NTM: variants seen among roughly 807,000 people sequenced by gnomAD.
NTM encodes the protein neurotrimin.
In NTM, 13 loss-of-function variants were observed where a neutral mutation model predicts 42.1. The observed-to-expected ratio is 0.31, with a 90% confidence interval of 0.20 to 0.49. The LOEUF (loss-of-function observed/expected upper bound fraction) is 0.49. NTM is among the 20% of genes least tolerant of loss of function. The probability of loss-of-function intolerance (pLI) is 0.99; values close to 1 mark genes in which losing one functional copy is unlikely to be tolerated. For missense variants in NTM, 373 were observed against 452.8 expected (o/e 0.82, Z 1.60); for synonymous variants, 187 against 179.2 (o/e 1.04, Z -0.35).
chr11:131,679,325 G>GA (rs1010685302), intron 1 of NTM, among the ~76,000 whole-genome samples: 1 of 152,162 alleles, frequency 6.6e-6, no homozygotes, highest in Non-Finnish European at 1.5e-5. Context: ...AAGAAGTAGG[G>GA]AGGGGGTGCC....
In NTM at chr11:131,813,469, C is replaced by T. The variant is rs137871733; in HGVS notation, c.83-98095C>T. ...TCATAGATGGAGCTCCTGTAAAGGACGGATGAAGGCTGTAGGGAGTACAGG... is the reference window on the plus strand; with the variant it reads ...TCATAGATGGAGCTCCTGTAAAGGATGGATGAAGGCTGTAGGGAGTACAGG... On this transcript the variant is annotated intron_variant, in intron 1 of 8. Transcript: ENST00000683400. Among the ~76,000 whole-genome samples the T allele has an allele frequency of 1.1e-3, 167 of 152,118 alleles. 1 individual carries two copies. The highest frequency in any genetic ancestry group is 1.8e-3 in the Admixed American group (27 of 15,272).
At chr11:132,293,548 G>A (rs73043966) in intron 4 of NTM, among the ~76,000 whole-genome samples, 12,596 of 152,222 alleles carry the variant, frequency 0.083, 541 homozygotes, top group Middle Eastern at 0.16. Context: ...ATATGAAACA[G>A]CGGGTGTGAG....
At chr11:132,281,815 C>T (rs1223274946) in intron 4 of NTM, among the ~76,000 whole-genome samples, 1 of 152,098 alleles carries the variant, frequency 6.6e-6, no homozygotes. Flanking sequence ...GTTATGAGTA[C>T]TATCAAAAAT....
chr11:131,582,332 C>T (rs1049768532), intron 1 of NTM: 3 of 152,248 alleles, frequency 2.0e-5, no homozygotes, highest in Non-Finnish European at 4.4e-5. Flanking sequence ...AAAAGTCCAG[C>T]TCTTCCTGCT....
chr11:131,701,168 G>A (rs2076035218), intron 1 of NTM, among the ~76,000 whole-genome samples: 1 of 152,106 alleles, frequency 6.6e-6, no homozygotes, highest in African/African-American at 2.4e-5. Flanking sequence ...AAAACAATTG[G>A]TGACATACAG....
chr11:132,000,387 CCTT>C (rs1198843567), intron 2 of NTM, among the ~76,000 whole-genome samples: 2 of 152,202 alleles, frequency 1.3e-5, no homozygotes, highest in Non-Finnish European at 2.9e-5. Context: ...TTTTGCTACT[CCTT>C]CTTTCATTAT....
Position 131,932,412 on chromosome 11 carries a change from G to A in NTM, c.167+20764G>A, listed in dbSNP as rs563880319. Among the ~76,000 whole-genome samples, 7 of 152,282 alleles carry A rather than the reference G, an allele frequency of 4.6e-5. No individual in the cohort carries two copies. In the South Asian group the frequency reaches 1.5e-3, roughly 32 times the overall value. On this transcript the variant is annotated intron_variant, in intron 2 of 8. Transcript: ENST00000683400. Reference sequence around the variant, plus strand: ...CATAAGAAGAAACATCAGGAAAAAGGTAAAGACCACAGTTTATTGCAATAT... The same window carrying A: ...CATAAGAAGAAACATCAGGAAAAAGATAAAGACCACAGTTTATTGCAATAT...
At chr11:131,702,709 T>C (rs2076199901) in intron 1 of NTM, among the ~76,000 whole-genome samples, 1 of 152,240 alleles carries the variant, frequency 6.6e-6, no homozygotes, top group Admixed American at 6.5e-5. Flanking sequence ...AAAATAGTGA[T>C]AATTTTGTTT....
chr11:132,254,320 TCTC>T (rs1205099300), intron 4 of NTM, among the ~76,000 whole-genome samples: 1 of 151,702 alleles, frequency 6.6e-6, no homozygotes, highest in African/African-American at 2.4e-5. Context: ...CCTGGTTGCT[TCTC>T]CTATTATTTC....
intron 4 of NTM, among the ~76,000 whole-genome samples, chr11:132,293,566 G>C (rs1204460834): frequency 1.3e-5 from 2 of 152,144 alleles, no homozygotes; most frequent in Non-Finnish European, 2.9e-5. Flanking sequence ...GAGACTACAG[G>C]AAATCATAGA....
intron 1 of NTM, among the ~76,000 whole-genome samples, chr11:131,399,035 T>G (rs116967555): frequency 0.021 from 3,270 of 152,294 alleles, 61 homozygotes; most frequent in Non-Finnish European, 0.029. Flanking sequence ...CATATGTACT[T>G]GGAAGTGGTG....
At chr11:131,936,487 C>A (rs1238367556) in intron 2 of NTM, among the ~76,000 whole-genome samples, 1 of 152,066 alleles carries the variant, frequency 6.6e-6, no homozygotes, top group Non-Finnish European at 1.5e-5. Context: ...ATTGGAGACT[C>A]AGAAGGAGGG....
intron 1 of NTM, among the ~76,000 whole-genome samples, chr11:131,413,111 C>T (rs573294389): frequency 1.3e-5 from 2 of 152,068 alleles, no homozygotes; most frequent in Non-Finnish European, 2.9e-5. Context: ...TTCCCTTGTG[C>T]CCATAGAATA....
intron 1 of NTM, among the ~76,000 whole-genome samples, chr11:131,593,547 C>T (rs547375416): frequency 2.0e-5 from 3 of 152,304 alleles, no homozygotes; most frequent in East Asian, 1.9e-4. Context: ...ATGCACTGTT[C>T]TAAGTGGATG....
At chr11:131,715,542 G>A (rs147615316) in intron 1 of NTM, among the ~76,000 whole-genome samples, 24 of 152,176 alleles carry the variant, frequency 1.6e-4, no homozygotes, top group Non-Finnish European at 2.5e-4. Context: ...TTGACATTTC[G>A]TGCACATTTG....
At chr11:131,770,039 A>C (rs1362841909) in intron 1 of NTM, among the ~76,000 whole-genome samples, 2 of 152,184 alleles carry the variant, frequency 1.3e-5, no homozygotes, top group Non-Finnish European at 2.9e-5. Context: ...AGCCAGTGAG[A>C]GGGAGAAGAG....
intron 1 of NTM, among the ~76,000 whole-genome samples, chr11:131,842,751 C>T (rs1374037764): frequency 6.6e-6 from 1 of 152,128 alleles, no homozygotes; most frequent in Non-Finnish European, 1.5e-5. Flanking sequence ...TGGCTCATGC[C>T]TATAATCCCA....
At chr11:131,619,427 G>A (rs1273745020) in intron 1 of NTM, among the ~76,000 whole-genome samples, 1 of 152,174 alleles carries the variant, frequency 6.6e-6, no homozygotes, top group African/African-American at 2.4e-5. Context: ...ACACACCAAA[G>A]GCTGTGGGAG....
chr11:131,888,276 C>T (rs56184986), intron 1 of NTM, among the ~76,000 whole-genome samples: 8,391 of 151,938 alleles, frequency 0.055, 339 homozygotes, highest in Non-Finnish European at 0.086. Context: ...ACTCCAGCCT[C>T]GGCGACAGAG....
Sources: allele counts gnomAD v4.1 joint callset (sites outside exome capture counted in the v4.1 genomes callset), GRCh38; gene constraint gnomAD v4.1.1; transcripts MANE v1.5; gene names NCBI Gene and HGNC (gene_info 2026-07-23, HGNC 2026-07-21).